The following ERBB4 variants were observed in gnomAD, a reference collection of about 807,000 sequenced individuals.
The protein encoded by ERBB4 is erb-b2 receptor tyrosine kinase 4.
A neutral mutation model predicts 158.0 loss-of-function variants in ERBB4; 42 were observed. That is an observed-to-expected ratio of 0.27 (90% CI 0.21 to 0.34). The LOEUF (loss-of-function observed/expected upper bound fraction) is 0.34. Ranked by LOEUF, ERBB4 falls within the 10% of genes least tolerant of loss-of-function variation. The pLI is 1.00. For missense variants in ERBB4, 1,333 were observed against 1,624.1 expected, an observed-to-expected ratio of 0.82 and a Z score of 3.08; for synonymous variants, 583 against 558.7, an observed-to-expected ratio of 1.04 and a Z score of -0.61.
intron 1 of ERBB4, among the ~76,000 whole-genome samples, chr2:212,422,350 C>T (rs2091812481): frequency 6.6e-6 from 1 of 151,998 alleles, no homozygotes; most frequent in Admixed American, 6.6e-5. Context: ...ACTAAAAATA[C>T]AAAAATTAGT....
intron 2 of ERBB4, among the ~76,000 whole-genome samples, chr2:212,099,033 C>A (rs2079007736): frequency 2.0e-5 from 3 of 151,880 alleles, no homozygotes; most frequent in Admixed American, 6.6e-5. Context: ...GTAATACCAG[C>A]AGTTTGGGAG....
At chr2:212,453,944 C>CTT (rs5838332) in intron 1 of ERBB4, among the ~76,000 whole-genome samples, 1 of 145,536 alleles carries the variant, frequency 6.9e-6, no homozygotes, top group Non-Finnish European at 1.5e-5. Flanking sequence ...TATTCCTTAA[C>CTT]TTTTTTTTTT....
At chr2:211,544,537 A>T (rs550970041) in intron 20 of ERBB4, among the ~76,000 whole-genome samples, 1 of 152,138 alleles carries the variant, frequency 6.6e-6, no homozygotes, top group Admixed American at 6.6e-5. Flanking sequence ...GCAACCTTGA[A>T]CACACTTAGG....
At chr2:212,322,929 C>G (rs999080967) in intron 1 of ERBB4, among the ~76,000 whole-genome samples, 1 of 138,976 alleles carries the variant, frequency 7.2e-6, no homozygotes, top group African/African-American at 3.0e-5. Context: ...ATGTTATTCT[C>G]CCTAGCCGGA....
intron 20 of ERBB4, among the ~76,000 whole-genome samples, chr2:211,477,858 A>G (rs2064993037): frequency 6.6e-6 from 1 of 152,172 alleles, no homozygotes; most frequent in African/African-American, 2.4e-5. Flanking sequence ...TTATTAGAAT[A>G]AGAATATGAT....
chr2:211,404,976 G>T (rs954652442), intron 25 of ERBB4, among the ~76,000 whole-genome samples: 1 of 152,118 alleles, frequency 6.6e-6, no homozygotes, highest in Non-Finnish European at 1.5e-5. Flanking sequence ...TTAATAAAAT[G>T]TGGAAATTAG....
At chr2:212,063,203 A>G (rs1193473689) in intron 2 of ERBB4, among the ~76,000 whole-genome samples, 1 of 152,212 alleles carries the variant, frequency 6.6e-6, no homozygotes, top group African/African-American at 2.4e-5. Flanking sequence ...ACAAAGAGTA[A>G]TAAAATGATC....
chr2:212,465,789 T>C (rs1432800225), intron 1 of ERBB4, among the ~76,000 whole-genome samples: 2 of 152,192 alleles, frequency 1.3e-5, no homozygotes, highest in Non-Finnish European at 2.9e-5. Flanking sequence ...TTGACATACA[T>C]CCATTTTATT....
chr2:212,235,272 G>T (rs2105995123), intron 1 of ERBB4, among the ~76,000 whole-genome samples: 1 of 152,284 alleles, frequency 6.6e-6, no homozygotes, highest in African/African-American at 2.4e-5. Flanking sequence ...GTTTGTCAAA[G>T]ATCAGATGAT....
intron 3 of ERBB4, among the ~76,000 whole-genome samples, chr2:211,828,352 C>T (rs1227216595): frequency 2.6e-5 from 4 of 152,052 alleles, no homozygotes; most frequent in Non-Finnish European, 5.9e-5. Context: ...AATAAACCCA[C>T]AATACACAAC....
chr2:211,658,067 T>C (rs1029144933), intron 15 of ERBB4: 25 of 1,064,098 alleles, frequency 2.3e-5, no homozygotes, highest in Middle Eastern at 2.0e-4. Flanking sequence ...AAAATAAATA[T>C]TGATTGTCTC....
At chr2:211,752,540 A>G (rs1298377771) in intron 4 of ERBB4, among the ~76,000 whole-genome samples, 2 of 123,114 alleles carry the variant, frequency 1.6e-5, no homozygotes, top group African/African-American at 5.8e-5. Context: ...GAAGAGAAGA[A>G]AAGAAAAAGT....
intron 1 of ERBB4, among the ~76,000 whole-genome samples, chr2:212,349,287 TCACA>T (rs3040350): frequency 0.019 from 2,803 of 146,266 alleles, 60 homozygotes; most frequent in East Asian, 0.083. Flanking sequence ...AACTTCTTAA[TCACA>T]CACACACACA....
chr2:212,489,607 G>A (rs1360560501), intron 1 of ERBB4, among the ~76,000 whole-genome samples: 3 of 151,664 alleles, frequency 2.0e-5, no homozygotes, highest in African/African-American at 7.3e-5. Flanking sequence ...GCTCCTGATA[G>A]CCAATAAAAA....
At chr2:212,291,329 A>G (rs1276721377) in intron 1 of ERBB4, among the ~76,000 whole-genome samples, 3 of 152,142 alleles carry the variant, frequency 2.0e-5, no homozygotes, top group African/African-American at 4.8e-5. Context: ...ATTCTAACGA[A>G]CAGTTATATA....
rs1185612830 is a variant in ERBB4 at position 211,383,174 on chromosome 2, T to C, written c.*441A>G. 4.3e-6 allele frequency: 1 copy of C among 234,784 alleles called. No individual in the cohort carries two copies. The highest frequency in any genetic ancestry group is 2.3e-5 in the African/African-American group (1 of 43,450). 14.5% of individuals were successfully genotyped at this position (234,784 alleles called of 1,614,324 possible). Reference sequence around the variant, plus strand: ...GAAACTTTATTATGATTTCCAGGGATGCTAAATATGCACACATCAGTTCCT... The same window carrying C: ...GAAACTTTATTATGATTTCCAGGGACGCTAAATATGCACACATCAGTTCCT... On this transcript the variant is annotated 3_prime_UTR_variant, in exon 28 of 28. Transcript: ENST00000342788.
chr2:211,701,831 C>T (rs1575012645), intron 12 of ERBB4, 136 bp downstream of exon 12: 4 of 462,194 alleles, frequency 8.7e-6, no homozygotes, highest in Non-Finnish European at 1.6e-5. Context: ...GTAATTGTAA[C>T]AACTACCTTC....
At chr2:212,113,004 G>A (rs2079459427) in intron 2 of ERBB4, among the ~76,000 whole-genome samples, 1 of 152,070 alleles carries the variant, frequency 6.6e-6, no homozygotes, top group African/African-American at 2.4e-5. Context: ...ACCTAACACA[G>A]GCCTAAACAA....
intron 1 of ERBB4, among the ~76,000 whole-genome samples, chr2:212,422,141 G>C (rs1330199186): frequency 6.6e-6 from 1 of 152,132 alleles, no homozygotes; most frequent in Non-Finnish European, 1.5e-5. Context: ...TGCTCAATGG[G>C]ATAATACATC....
Sources: gnomAD v4.1 joint callset for allele counts (sites outside exome capture counted in the v4.1 genomes callset) on GRCh38, gnomAD v4.1.1 for gene constraint, MANE v1.5 for transcripts, NCBI Gene and HGNC (gene_info 2026-07-23, HGNC 2026-07-21) for gene names.